Variants in RFX6 observed in about 807,000 individuals in gnomAD.
RFX6 encodes regulatory factor X6.
Under a neutral mutation model 110.8 loss-of-function variants are expected in RFX6, and 50 were observed. The observed-to-expected ratio is 0.45, with a 90% CI of 0.36 to 0.57. The LOEUF is 0.57. Among genes scored for constraint, RFX6 ranks in the 20% least tolerant of loss-of-function variants. The probability of loss-of-function intolerance (pLI) is 0.00; values close to 1 mark genes in which losing one functional copy is unlikely to be tolerated. For synonymous variants in RFX6, 383 were observed against 411.2 expected (o/e 0.93, Z 0.83); for missense variants, 990 against 1,127.0 (o/e 0.88, Z 1.74).
At chr6:116,906,743 T>TTGTGTG (rs56724266) in intron 6 of RFX6, among the ~76,000 whole-genome samples, 2 of 149,978 alleles carry the variant, frequency 1.3e-5, no homozygotes, top group African/African-American at 4.9e-5. Flanking sequence ...CATTTATGAG[T>TTGTGTG]TGTGTGTGTG....
intron 2 of RFX6, among the ~76,000 whole-genome samples, chr6:116,878,293 T>G (rs910990351): frequency 2.0e-5 from 3 of 152,188 alleles, no homozygotes; most frequent in African/African-American, 7.2e-5. Context: ...TGTTTGATAG[T>G]TTTTGAGATT....
chr6:116,907,010 T>A (rs1487246755), intron 6 of RFX6, among the ~76,000 whole-genome samples: 3 of 152,076 alleles, frequency 2.0e-5, no homozygotes, highest in African/African-American at 4.8e-5. Flanking sequence ...AGGTTTTTCA[T>A]AAACAACTTT....
rs779291324 is a variant in RFX6, at chr6:116,877,290, G to A, written c.15G>A (p.Pro5=). 6.2e-6 allele frequency: 10 copies of A among 1,611,070 alleles called. No individual in the cohort carries two copies. In the South Asian group the frequency reaches 7.7e-5, roughly 12 times the overall value. Residue 5 remains proline, a synonymous_variant, in exon 1 of 19, where the codon CCG becomes CCA. Transcript: ENST00000332958. MAKV[P]ELEDTFLQAQ... The stretch of plus-strand genomic sequence containing the variant: ...CGGCCAGGAGGATGGCCAAGGTCCC[G>A]GAGCTGGAAGACACCTTCCTGCAGG...
At chr6:116,926,980 T>C in intron 16 of RFX6, 47 bp from the exon 17 acceptor site, 3 of 1,508,302 alleles carry the variant, frequency 2.0e-6, no homozygotes, top group Non-Finnish European at 2.8e-6. Flanking sequence ...TGTGAGCTCA[T>C]CTACTTTAAT....
chr6:116,899,661 A>G (rs1775024726), intron 6 of RFX6, among the ~76,000 whole-genome samples: 1 of 152,206 alleles, frequency 6.6e-6, no homozygotes, highest in Non-Finnish European at 1.5e-5. Context: ...ATTTTGCAAA[A>G]AAATTTCTAT....
intron 6 of RFX6, among the ~76,000 whole-genome samples, chr6:116,898,747 C>T (rs1775004399): frequency 6.6e-6 from 1 of 152,084 alleles, no homozygotes; most frequent in Non-Finnish European, 1.5e-5. Context: ...GAGGTAGCTT[C>T]TGTTTGGTAG....
chr6:116,918,230 G>C, intron 10 of RFX6, 144 bp downstream of exon 10: 1 of 679,724 alleles, frequency 1.5e-6, no homozygotes, highest in Admixed American at 2.1e-5. Context: ...TGCTGGAAGA[G>C]ATGTGTCTTA....
chr6:116,895,524 G>A (rs1774925081), intron 6 of RFX6, among the ~76,000 whole-genome samples: 1 of 151,988 alleles, frequency 6.6e-6, no homozygotes, highest in East Asian at 1.9e-4. Flanking sequence ...TAAACAAAAA[G>A]CTTAAGCTGA....
chr6:116,881,694 A>G (rs1271679000), intron 3 of RFX6, among the ~76,000 whole-genome samples: 2 of 152,054 alleles, frequency 1.3e-5, no homozygotes, highest in Non-Finnish European at 2.9e-5. Context: ...TTGTGAGTCT[A>G]CCTTATGGGA....
chr6:116,922,195 A>G, intron 13 of RFX6, 44 bp downstream of exon 13: 1 of 933,050 alleles, frequency 1.1e-6, no homozygotes, highest in Non-Finnish European at 1.8e-6. Flanking sequence ...CCTTGTAAAG[A>G]GTAAATGCTA....
chr6:116,899,401 G>T (rs907197140), intron 6 of RFX6, among the ~76,000 whole-genome samples: 6 of 152,112 alleles, frequency 3.9e-5, no homozygotes, highest in African/African-American at 1.4e-4. Context: ...TAAACAAGAA[G>T]AGTAAAAAGG....
At chr6:116,902,367 CAACAACAAAA>C (rs1482713747) in intron 6 of RFX6, among the ~76,000 whole-genome samples, 5 of 151,598 alleles carry the variant, frequency 3.3e-5, no homozygotes, top group African/African-American at 7.3e-5. Context: ...AAGCAAACAA[CAACAACAAAA>C]AACAACAAAA....
At chr6:116,897,316 C>G (rs1321369) in intron 6 of RFX6, among the ~76,000 whole-genome samples, 2 of 151,878 alleles carry the variant, frequency 1.3e-5, no homozygotes, top group Non-Finnish European at 2.9e-5. Flanking sequence ...AGTATCACAG[C>G]ATCTCTGGCC....
chr6:116,909,335 G>A (rs1167000669), intron 6 of RFX6, among the ~76,000 whole-genome samples: 5 of 152,002 alleles, frequency 3.3e-5, no homozygotes, highest in African/African-American at 1.2e-4. Context: ...TTAAGATTTA[G>A]GTAAATTTTT....
At chr6:116,907,679 T>C (rs1260582478) in intron 6 of RFX6, among the ~76,000 whole-genome samples, 1 of 152,128 alleles carries the variant, frequency 6.6e-6, no homozygotes, top group African/African-American at 2.4e-5. Flanking sequence ...CCATGTGCTC[T>C]TGAAAATAAT....
chr6:116,919,016 GCTGT>G (rs1430061186), intron 10 of RFX6, 117 bp from the exon 11 acceptor site: 2 of 864,896 alleles, frequency 2.3e-6, no homozygotes, highest in African/African-American at 3.4e-5. Flanking sequence ...GCAGATCTAG[GCTGT>G]CTGACTTCAA....
At position 116,920,459 on chromosome 6, in the gene RFX6, G is replaced by A; in HGVS notation, c.1327+5G>A. 1 of 1,612,458 alleles carries A rather than the reference G, an allele frequency of 6.2e-7. No homozygotes were observed. On this transcript the variant is annotated splice_donor_5th_base_variant and intron_variant, in intron 12 of 18. Transcript: ENST00000332958. ...AATCTGGTATCTACACTGAACGTAAGTCCATTCTCTTTGTTTAGAACAAGG... is the reference window on the plus strand; with the variant it reads ...AATCTGGTATCTACACTGAACGTAAATCCATTCTCTTTGTTTAGAACAAGG...
chr6:116,895,271 A>G lies in RFX6; in HGVS notation c.672+64A>G, dbSNP rs554482339. 409 of 874,056 alleles carry G rather than the reference A, an allele frequency of 4.7e-4. 1 individual carries two copies. Among genetic ancestry groups the G allele is most frequent in the Non-Finnish European group, 5.9e-4 (310 of 526,880 alleles). 54.1% of individuals were successfully genotyped at this position (874,056 alleles called of 1,614,324 possible). A position where few individuals can be genotyped will look rare whatever the true frequency, so the allele number is the denominator to read the frequency against. ...ATATGTCTTACAAGCTGAGCAATAC[A>G]TGTTAATTATTCCCTTTGGCAAATG... On this transcript the variant is annotated intron_variant, in intron 6 of 18. Coordinates refer to ENST00000332958, the MANE Select transcript of RFX6 (RefSeq NM_173560.4).
chr6:116,922,203 C>T, intron 13 of RFX6, 52 bp downstream of exon 13: 1 of 885,114 alleles, frequency 1.1e-6, no homozygotes, highest in Non-Finnish European at 1.9e-6. Flanking sequence ...AGAGTAAATG[C>T]TAAACTGGCT....
Sources: gnomAD v4.1 joint callset for allele counts (sites outside exome capture counted in the v4.1 genomes callset) on GRCh38, gnomAD v4.1.1 for gene constraint, MANE v1.5 for transcripts, NCBI Gene and HGNC (gene_info 2026-07-23, HGNC 2026-07-21) for gene names.